PCDH9: variants seen among roughly 807,000 people sequenced by gnomAD.
The protein encoded by PCDH9 is protocadherin-9.
Under a neutral mutation model 70.6 loss-of-function variants are expected in PCDH9, and 24 were observed. That is an observed-to-expected ratio of 0.34 (90% CI 0.25 to 0.48). The LOEUF is 0.48. Among genes scored for constraint, PCDH9 ranks in the 20% least tolerant of loss-of-function variants. PCDH9 has a pLI of 0.99. For missense variants in PCDH9, 1,281 were observed against 1,503.6 expected (o/e 0.85, Z 2.45); for synonymous variants, 562 against 558.5 (o/e 1.01, Z -0.09).
chr13:66,881,111 C>T (rs1279023373), intron 3 of PCDH9, among the ~76,000 whole-genome samples: 1 of 152,098 alleles, frequency 6.6e-6, no homozygotes, highest in Non-Finnish European at 1.5e-5. Context: ...AGTTAGACAG[C>T]CATCTATGTA....
At chr13:67,030,610 C>G (rs2084886223) in intron 2 of PCDH9, among the ~76,000 whole-genome samples, 1 of 151,966 alleles carries the variant, frequency 6.6e-6, no homozygotes, top group African/African-American at 2.4e-5. Flanking sequence ...GATCATTACA[C>G]CTTACATGCA....
chr13:66,604,548 T>TATC, intron 4 of PCDH9, among the ~76,000 whole-genome samples: 1 of 152,174 alleles, frequency 6.6e-6, no homozygotes, highest in Middle Eastern at 3.4e-3. Context: ...AAAATTAGCA[T>TATC]ATCTTTCCTT....
chr13:66,669,199 C>T (rs562782426), intron 3 of PCDH9, among the ~76,000 whole-genome samples: 19 of 152,112 alleles, frequency 1.2e-4, no homozygotes, highest in Non-Finnish European at 2.5e-4. Flanking sequence ...GTCTGAGACA[C>T]AAAGAATAAA....
At chr13:66,402,719 G>A (rs1194128076) in intron 4 of PCDH9, among the ~76,000 whole-genome samples, 3 of 152,070 alleles carry the variant, frequency 2.0e-5, no homozygotes. Flanking sequence ...TCAGCATTTT[G>A]AACTGAAATC....
chr13:66,863,015 G>T (rs1335087999), intron 3 of PCDH9, among the ~76,000 whole-genome samples: 2 of 152,038 alleles, frequency 1.3e-5, no homozygotes, highest in Non-Finnish European at 2.9e-5. Flanking sequence ...TCTTAACAGT[G>T]GAATGTTTGA....
chr13:66,649,421 A>G (rs1374709283), intron 3 of PCDH9, among the ~76,000 whole-genome samples: 1 of 151,942 alleles, frequency 6.6e-6, no homozygotes, highest in Non-Finnish European at 1.5e-5. Flanking sequence ...TGAAGTGCAA[A>G]AGAAAAAAAA....
intron 4 of PCDH9, among the ~76,000 whole-genome samples, chr13:66,609,579 G>T (rs927084282): frequency 1.3e-5 from 2 of 151,864 alleles, no homozygotes; most frequent in Non-Finnish European, 2.9e-5. Flanking sequence ...ATATGCATTT[G>T]GCATATATAA....
At chr13:66,769,844 AG>A (rs1268298680) in intron 3 of PCDH9, among the ~76,000 whole-genome samples, 1 of 152,128 alleles carries the variant, frequency 6.6e-6, no homozygotes, top group Non-Finnish European at 1.5e-5. Context: ...TGAAGACAAA[AG>A]GTTGAAAGTT....
At chr13:66,809,371 G>C (rs1026244298) in intron 3 of PCDH9, among the ~76,000 whole-genome samples, 1 of 152,192 alleles carries the variant, frequency 6.6e-6, no homozygotes, top group Non-Finnish European at 1.5e-5. Context: ...TGACAAAACA[G>C]GCAAAATGAC....
chr13:66,305,238 T>C (rs1955444529), intron 4 of PCDH9, among the ~76,000 whole-genome samples: 1 of 152,042 alleles, frequency 6.6e-6, no homozygotes, highest in Admixed American at 6.6e-5. Context: ...TCTATTAATA[T>C]TTTCCTTCTT....
chr13:67,005,207 T>C (rs941470800), intron 2 of PCDH9, among the ~76,000 whole-genome samples: 2 of 151,396 alleles, frequency 1.3e-5, no homozygotes, highest in South Asian at 2.1e-4. Context: ...ATTGATTGAA[T>C]AGAAGAGTCC....
chr13:66,714,529 C>T (rs958789648), intron 3 of PCDH9, among the ~76,000 whole-genome samples: 1 of 150,784 alleles, frequency 6.6e-6, no homozygotes, highest in African/African-American at 2.4e-5. Context: ...TACGGTTCAA[C>T]AAATAAGTAA....
chr13:66,774,230 A>G (rs2079855149), intron 3 of PCDH9, among the ~76,000 whole-genome samples: 1 of 152,196 alleles, frequency 6.6e-6, no homozygotes, highest in South Asian at 2.1e-4. Context: ...CAGGGGACAG[A>G]CTTGCTATTA....
Position 67,227,671 on chromosome 13 carries a change from A to C in PCDH9, c.770T>G (p.Val257Gly), listed in dbSNP as rs760690872. The C allele has an allele frequency of 6.2e-7, 1 of 1,613,788 alleles. No individual in the cohort carries two copies. The highest frequency in any genetic ancestry group is 8.5e-7 in the Non-Finnish European group (1 of 1,179,704). The change falls in exon 2 of 5, where the codon GTG (valine) becomes GGG (glycine). Residue 257 changes from valine (V) to glycine (G), a missense_variant. Around this residue, in one of 4 missense-constraint regions of PCDH9, gnomAD observed 798 missense variants for 1,003.1 expected, o/e 0.80. Transcript: ENST00000377865. The surrounding 1 kb of genome is among the most constrained non-coding windows in gnomAD (Gnocchi z 4.6). Reference sequence around the variant, plus strand: ...AGCATTCTCTGGAATATGCACCTCCACTTGACCCTCTTTAAACACTGGCCT... The same window carrying C: ...AGCATTCTCTGGAATATGCACCTCCCCTTGACCCTCTTTAAACACTGGCCT... Reference protein sequence around the residue: ...DNRPVFKEGQVEVHIPENAPV... With the variant: ...DNRPVFKEGQGEVHIPENAPV...
intron 2 of PCDH9, among the ~76,000 whole-genome samples, chr13:67,136,785 G>C (rs2087243181): frequency 6.6e-6 from 1 of 151,916 alleles, no homozygotes. Context: ...TGTTATATAT[G>C]AAATGGAGAC....
rs187915984 is a variant in PCDH9 at position 66,433,337 on chromosome 13, C to G, written c.3341-128309G>C. On this transcript the variant is annotated intron_variant, in intron 4 of 4. Transcript: ENST00000377865. ...ACCAATTAATCTTTTCATATACTTT[C>G]ATCATTTATTAAAAATCTAAGTAAC... is the stretch of plus-strand genomic sequence containing the variant. 2.6e-5 allele frequency among the ~76,000 whole-genome samples: 4 copies of G among 151,894 alleles called. No homozygotes were observed. The East Asian group carries it at 7.7e-4, about 29-fold the overall frequency.
intron 2 of PCDH9, among the ~76,000 whole-genome samples, chr13:67,171,448 C>T (rs1217921248): frequency 6.6e-6 from 1 of 152,112 alleles, no homozygotes; most frequent in African/African-American, 2.4e-5. Context: ...GTCAATATTG[C>T]TGCTAGTTGG....
At chr13:66,795,477 C>T (rs920568672) in intron 3 of PCDH9, among the ~76,000 whole-genome samples, 4 of 152,068 alleles carry the variant, frequency 2.6e-5, no homozygotes, top group African/African-American at 4.8e-5. Context: ...TAATTCCAGC[C>T]GATATATGAC....
At chr13:66,327,203 A>T (rs944743738) in intron 4 of PCDH9, among the ~76,000 whole-genome samples, 1 of 152,076 alleles carries the variant, frequency 6.6e-6, no homozygotes, top group Middle Eastern at 3.2e-3. Flanking sequence ...CTCCACAGTA[A>T]CCCTGTTGCC....
Sources: allele counts gnomAD v4.1 joint callset (sites outside exome capture counted in the v4.1 genomes callset), GRCh38; gene constraint gnomAD v4.1.1; regional missense constraint gnomAD v4.1.1; non-coding constraint Gnocchi (gnomAD v3.1); transcripts MANE v1.5; gene names NCBI Gene and HGNC (gene_info 2026-07-23, HGNC 2026-07-21).